Variants in AK4 observed in about 807,000 individuals in gnomAD.
AK4 encodes adenylate kinase 4, mitochondrial.
A neutral mutation model predicts 24.6 loss-of-function variants in AK4; 13 were observed. The observed-to-expected ratio is 0.53, with a 90% CI of 0.34 to 0.84. AK4 has a LOEUF of 0.84. AK4 is among the 40% of genes least tolerant of loss of function. The pLI is 0.01. For synonymous variants in AK4, 88 were observed against 107.0 expected (o/e 0.82, Z 1.10); for missense variants, 192 against 288.2 (o/e 0.67, Z 2.42).
At chr1:65,180,613 T>G (rs1171173793) in intron 1 of AK4, among the ~76,000 whole-genome samples, 1 of 152,214 alleles carries the variant, frequency 6.6e-6, no homozygotes, top group Non-Finnish European at 1.5e-5. Flanking sequence ...CTGGAAGAGA[T>G]TCAGCAGAGT....
intron 1 of AK4, among the ~76,000 whole-genome samples, chr1:65,155,070 C>T (rs1376291011): frequency 6.7e-6 from 1 of 148,752 alleles, no homozygotes; most frequent in African/African-American, 2.5e-5. Flanking sequence ...AGGCTGGTCT[C>T]GAACTCCTGA....
chr1:65,199,541 C>T lies in AK4; in HGVS notation c.265+8712C>T, dbSNP rs1027137327. ...TTTAGCCCAGGTGACAGTGCAGTAG[C>T]CCAGGCGACTCCATCTCAAAAAAGA... On this transcript the variant is annotated intron_variant, in intron 2 of 4. Coordinates refer to ENST00000327299, the MANE Select transcript of AK4 (RefSeq NM_013410.4). Among the ~76,000 whole-genome samples the T allele has an allele frequency of 2.6e-5, 4 of 151,828 alleles. No homozygotes were observed. In the South Asian group the frequency reaches 8.3e-4, roughly 32 times the overall value.
At position 65,152,022 on chromosome 1, in the gene AK4, A is replaced by G. The variant is rs868443021; in HGVS notation, c.145+3470A>G. ...TTTCTCTGTGTATGTATGGGTATGC[A>G]CATGTATGTATGAGTATACACACAC... On this transcript the variant is annotated intron_variant, in intron 1 of 4. Coordinates refer to ENST00000327299, the MANE Select transcript of AK4 (RefSeq NM_013410.4). 2.6e-5 allele frequency among the ~76,000 whole-genome samples: 4 copies of G among 151,130 alleles called. No homozygotes were observed. In the East Asian group the frequency reaches 5.8e-4, roughly 22 times the overall value.
At chr1:65,188,010 G>C (rs1489119120) in intron 1 of AK4, among the ~76,000 whole-genome samples, 2 of 152,144 alleles carry the variant, frequency 1.3e-5, no homozygotes, top group Non-Finnish European at 2.9e-5. Context: ...AAGAGATATG[G>C]AGCCCTTCAC....
At chr1:65,219,523 C>T (rs923857183) in intron 3 of AK4, among the ~76,000 whole-genome samples, 2 of 152,052 alleles carry the variant, frequency 1.3e-5, no homozygotes, top group Admixed American at 6.6e-5. Flanking sequence ...TGGTTAAATA[C>T]ATTGGAGAAT....
chr1:65,196,092 G>A (rs1449809847), intron 2 of AK4, among the ~76,000 whole-genome samples: 2 of 152,156 alleles, frequency 1.3e-5, no homozygotes, highest in African/African-American at 2.4e-5. Context: ...AAATCCATTT[G>A]GCAAGGTGTG....
intron 2 of AK4, among the ~76,000 whole-genome samples, chr1:65,191,435 C>T (rs1183305659): frequency 2.0e-5 from 3 of 151,466 alleles, no homozygotes; most frequent in African/African-American, 7.3e-5. Flanking sequence ...ATTCTGAGGA[C>T]ACAAAGAAGA....
chr1:65,214,290 T>C (rs1652057203), intron 2 of AK4, among the ~76,000 whole-genome samples: 1 of 152,152 alleles, frequency 6.6e-6, no homozygotes, highest in Non-Finnish European at 1.5e-5. Flanking sequence ...TTTGTATTTT[T>C]AGTAGAGATG....
intron 1 of AK4, chr1:65,154,426 G>A: frequency 2.3e-6 from 1 of 439,930 alleles, no homozygotes; most frequent in East Asian, 6.1e-5. Flanking sequence ...CCTTGGAAGA[G>A]CACATGCATG....
chr1:65,163,541 G>A (rs987320508), intron 1 of AK4, among the ~76,000 whole-genome samples: 2 of 152,220 alleles, frequency 1.3e-5, no homozygotes, highest in African/African-American at 2.4e-5. Flanking sequence ...TATTGGCCAA[G>A]ACTCAGCTAT....
Position 65,172,855 on chromosome 1 carries a change from A to ATTTT in AK4, c.146-17833_146-17830dup, listed in dbSNP as rs11408059. 6.8e-3 allele frequency among the ~76,000 whole-genome samples: 757 copies of ATTTT among 110,884 alleles called. 20 individuals are homozygous for ATTTT. Among genetic ancestry groups the ATTTT allele is most frequent in the East Asian group, 0.015 (52 of 3,544 alleles). 72.7% of individuals were successfully genotyped at this position (110,884 alleles called of 152,430 possible). Reference sequence around the variant, plus strand: ...TCTGGGCCATCTTGGCCAGCAAGAGATTTTTTTTTTTTTTTTTTTTTTTTT... The same window carrying ATTTT: ...TCTGGGCCATCTTGGCCAGCAAGAGATTTTTTTTTTTTTTTTTTTTTTTTTTTTT... On this transcript the variant is annotated intron_variant, in intron 1 of 4. Transcript: ENST00000327299.
At chr1:65,225,871 T>C (rs1167693975) in intron 4 of AK4, among the ~76,000 whole-genome samples, 192 bp from the exon 5 acceptor site, 3 of 152,156 alleles carry the variant, frequency 2.0e-5, no homozygotes, top group Non-Finnish European at 4.4e-5. Context: ...CATACCAGAA[T>C]TGCAAAAGCT....
chr1:65,159,907 G>T (rs1397964295), intron 1 of AK4, among the ~76,000 whole-genome samples: 1 of 147,656 alleles, frequency 6.8e-6, no homozygotes, highest in Non-Finnish European at 1.5e-5. Context: ...GGCGGAGGTT[G>T]TAGTGAGCCA....
chr1:65,188,936 A>AT (rs1557453473), intron 1 of AK4, among the ~76,000 whole-genome samples: 1 of 150,336 alleles, frequency 6.7e-6, no homozygotes, highest in South Asian at 2.1e-4. Flanking sequence ...CACCTAATTT[A>AT]TTTTTTTATT....
intron 1 of AK4, among the ~76,000 whole-genome samples, chr1:65,152,392 T>A (rs1411272861): frequency 3.0e-3 from 110 of 37,010 alleles, no homozygotes; most frequent in African/African-American, 4.3e-3. Flanking sequence ...ATATTTTTTT[T>A]TTTTTTTTTT....
At chr1:65,153,717 T>G (rs1158907544) in intron 1 of AK4, among the ~76,000 whole-genome samples, 1 of 151,946 alleles carries the variant, frequency 6.6e-6, no homozygotes, top group South Asian at 2.1e-4. Context: ...AAATTAAAGG[T>G]GACTGTCTTA....
At chr1:65,187,114 C>T (rs977546021) in intron 1 of AK4, among the ~76,000 whole-genome samples, 2 of 151,822 alleles carry the variant, frequency 1.3e-5, no homozygotes, top group South Asian at 2.1e-4. Context: ...AATCCCAGCA[C>T]TTTGGGAGGC....
intron 1 of AK4, among the ~76,000 whole-genome samples, chr1:65,150,516 T>TTTC (rs1649736790): frequency 1.3e-5 from 2 of 152,180 alleles, no homozygotes; most frequent in South Asian, 4.1e-4. Flanking sequence ...AAGTGGCTTG[T>TTTC]TTCTAGTGAA....
intron 1 of AK4, among the ~76,000 whole-genome samples, chr1:65,164,371 A>C (rs1225505590): frequency 6.6e-6 from 1 of 152,158 alleles, no homozygotes; most frequent in African/African-American, 2.4e-5. Context: ...CAAATACTGA[A>C]GTATGGAGTC....
Sources: allele counts gnomAD v4.1 joint callset (sites outside exome capture counted in the v4.1 genomes callset), GRCh38; gene constraint gnomAD v4.1.1; transcripts MANE v1.5; gene names NCBI Gene and HGNC (gene_info 2026-07-23, HGNC 2026-07-21).